The following ASIC2 variants were observed in gnomAD, a reference collection of about 807,000 sequenced individuals.
The protein encoded by ASIC2 is acid sensing ion channel subunit 2.
Under a neutral mutation model 57.3 loss-of-function variants are expected in ASIC2, and 25 were observed. The observed-to-expected ratio is 0.44, with a 90% CI of 0.32 to 0.61. The LOEUF (loss-of-function observed/expected upper bound fraction) is 0.61. Ranked by LOEUF, ASIC2 falls within the 20% of genes least tolerant of loss-of-function variation. The pLI, the probability that ASIC2 is intolerant of heterozygous loss-of-function variation, is 0.06. For missense variants in ASIC2, 641 were observed against 738.1 expected (o/e 0.87, Z 1.52); for synonymous variants, 319 against 307.5 (o/e 1.04, Z -0.39).
chr17:33,965,514 G>A (rs960376541), intron 1 of ASIC2, among the ~76,000 whole-genome samples: 1 of 152,184 alleles, frequency 6.6e-6, no homozygotes, highest in African/African-American at 2.4e-5. Flanking sequence ...TCATGAGGAA[G>A]TGGCATCTTT....
chr17:33,835,483 C>A (rs1252594440), intron 1 of ASIC2, among the ~76,000 whole-genome samples: 5 of 152,178 alleles, frequency 3.3e-5, no homozygotes, highest in African/African-American at 1.2e-4. Flanking sequence ...TTACTCCCTC[C>A]TCCTCTCACC....
At chr17:33,288,387 G>C (rs553143508) in intron 1 of ASIC2, among the ~76,000 whole-genome samples, 2 of 152,226 alleles carry the variant, frequency 1.3e-5, no homozygotes, top group South Asian at 4.1e-4. Context: ...GGGGCTTGAG[G>C]AGCAGGGATT....
At chr17:33,848,317 G>A (rs1050413278) in intron 1 of ASIC2, among the ~76,000 whole-genome samples, 1 of 152,114 alleles carries the variant, frequency 6.6e-6, no homozygotes, top group African/African-American at 2.4e-5. Context: ...TACCCAGTGG[G>A]GCATCCTTTT....
chr17:33,119,498 AC>A (rs1461380524), intron 1 of ASIC2, among the ~76,000 whole-genome samples: 1 of 152,240 alleles, frequency 6.6e-6, no homozygotes, highest in African/African-American at 2.4e-5. Flanking sequence ...AACAAAATGA[AC>A]CTGGCTCTTG....
rs1365553797 is a variant in ASIC2, at chr17:33,013,347, C to G, written c.*618G>C. 1.3e-5 allele frequency: 2 copies of G among 154,426 alleles called. No individual in the cohort carries two copies. Among genetic ancestry groups the G allele is most frequent in the African/African-American group, 4.8e-5 (2 of 41,472 alleles). The allele number at this position is 154,426 out of a possible 1,614,324, so 9.6% of individuals were successfully genotyped here. A position where few individuals can be genotyped will look rare whatever the true frequency, so the allele number is the denominator to read the frequency against. ...CATGGGTGAACACAGGCGTCCCCCA[C>G]CCGCTGGCTGCTGTGCCGCCGTCAT... On this transcript the variant is annotated 3_prime_UTR_variant, in exon 10 of 10. Coordinates refer to ENST00000225823, the MANE Select transcript of ASIC2 (RefSeq NM_183377.2).
chr17:33,965,388 C>T (rs1905046586), intron 1 of ASIC2, among the ~76,000 whole-genome samples: 1 of 152,140 alleles, frequency 6.6e-6, no homozygotes, highest in South Asian at 2.1e-4. Flanking sequence ...CATGAAGCCA[C>T]ACCTTGCAGG....
intron 1 of ASIC2, among the ~76,000 whole-genome samples, chr17:33,934,542 C>T (rs994660704): frequency 6.6e-6 from 1 of 152,146 alleles, no homozygotes; most frequent in Admixed American, 6.5e-5. Flanking sequence ...CTCAAGGGCA[C>T]AGGCCGTGGG....
intron 1 of ASIC2, among the ~76,000 whole-genome samples, chr17:33,953,990 C>A (rs1904659183): frequency 6.6e-6 from 1 of 152,122 alleles, no homozygotes; most frequent in Non-Finnish European, 1.5e-5. Flanking sequence ...TTTTGGAGCA[C>A]ATTGCTTTGA....
At chr17:33,051,992 G>A (rs1241440128) in intron 3 of ASIC2, 1 of 152,198 alleles carries the variant, frequency 6.6e-6, no homozygotes, top group African/African-American at 2.4e-5. Context: ...ACTTGACGGT[G>A]ATGGTAGCGG....
intron 1 of ASIC2, among the ~76,000 whole-genome samples, chr17:33,796,297 C>G (rs1271098767): frequency 1.3e-5 from 2 of 152,116 alleles, no homozygotes; most frequent in Non-Finnish European, 2.9e-5. Context: ...CTAAGCACAT[C>G]TGGGTCAGAT....
intron 1 of ASIC2, chr17:34,039,762 C>T: frequency 2.5e-6 from 4 of 1,612,010 alleles, no homozygotes; most frequent in Non-Finnish European, 3.4e-6. Context: ...TGCACAAGCT[C>T]TGGTTGGAAG....
intron 1 of ASIC2, among the ~76,000 whole-genome samples, chr17:33,499,319 A>T (rs1597753119): frequency 6.6e-6 from 1 of 152,226 alleles, no homozygotes; most frequent in African/African-American, 2.4e-5. Flanking sequence ...TTGCAGTGCT[A>T]ACTCCCTGTC....
chr17:33,554,778 G>C (rs1234301553), intron 1 of ASIC2, among the ~76,000 whole-genome samples: 1 of 152,116 alleles, frequency 6.6e-6, no homozygotes, highest in African/African-American at 2.4e-5. Context: ...GCTGGCCGGG[G>C]ACTGAGCTGG....
Position 33,868,580 on chromosome 17 carries a change from G to A in ASIC2, c.555+287398C>T, listed in dbSNP as rs78595818. ...TTAGATATGGCACTACAAGTACAAG[G>A]AACAAAAGAAAAAATAGATTGGACT... On this transcript the variant is annotated intron_variant, in intron 1 of 9. Coordinates refer to the ASIC2 transcript ENST00000359872. Among the ~76,000 whole-genome samples the A allele has an allele frequency of 4.1e-3, 630 of 152,060 alleles. 4 individuals are homozygous for A. Among genetic ancestry groups the A allele is most frequent in the Middle Eastern group, 0.014 (4 of 294 alleles).
intron 7 of ASIC2, among the ~76,000 whole-genome samples, chr17:33,020,273 A>T (rs957711017): frequency 6.6e-6 from 1 of 152,178 alleles, no homozygotes; most frequent in Non-Finnish European, 1.5e-5. Flanking sequence ...TAACCATCAC[A>T]ACAAGCTCAT....
At chr17:33,062,374 T>C (rs949664161) in intron 3 of ASIC2, among the ~76,000 whole-genome samples, 4 of 152,236 alleles carry the variant, frequency 2.6e-5, no homozygotes, top group Non-Finnish European at 5.9e-5. Context: ...TTTGTTCTTG[T>C]TGGTTTCAAA....
At chr17:33,302,051 C>A (rs1170619074) in intron 1 of ASIC2, among the ~76,000 whole-genome samples, 4 of 152,234 alleles carry the variant, frequency 2.6e-5, no homozygotes, top group Non-Finnish European at 4.4e-5. Flanking sequence ...GTGGCATCTA[C>A]TTTCTAAGTT....
rs374162101 is a variant in ASIC2 at position 33,117,173 on chromosome 17, CTCT to C, written c.709-5109_709-5107del. ...CTGACCTCATTCCTCATTCTTCTTC[CTCT>C]TCTTCTTTTTTTTTGAGACAGAGTC... On this transcript the variant is annotated intron_variant, in intron 1 of 9. Coordinates refer to ENST00000225823, the MANE Select transcript of ASIC2 (RefSeq NM_183377.2). Among the ~76,000 whole-genome samples, 258 of 149,730 alleles carry C rather than the reference CTCT, an allele frequency of 1.7e-3. 2 individuals carry two copies. Among genetic ancestry groups the C allele is most frequent in the Non-Finnish European group, 3.0e-3 (200 of 67,432 alleles).
intron 1 of ASIC2, among the ~76,000 whole-genome samples, chr17:33,271,095 G>T (rs1419889142): frequency 6.6e-6 from 1 of 152,126 alleles, no homozygotes; most frequent in East Asian, 1.9e-4. Flanking sequence ...TCCTTTGTTG[G>T]CAGCTTGCTG....
Sources: allele counts gnomAD v4.1 joint callset (sites outside exome capture counted in the v4.1 genomes callset), GRCh38; gene constraint gnomAD v4.1.1; transcripts MANE v1.5; gene names NCBI Gene and HGNC (gene_info 2026-07-23, HGNC 2026-07-21).